KLHL14: variants seen among roughly 807,000 people sequenced by gnomAD.
KLHL14 encodes kelch-like protein 14.
A neutral mutation model predicts 64.3 loss-of-function variants in KLHL14; 22 were observed. The ratio of observed to expected loss-of-function variants is 0.34; its 90% CI spans 0.24 to 0.49. The LOEUF is 0.49. Among genes scored for constraint, KLHL14 ranks in the 20% least tolerant of loss-of-function variants. The probability of loss-of-function intolerance (pLI) is 0.99; values close to 1 mark genes in which losing one functional copy is unlikely to be tolerated. For missense variants in KLHL14, 661 were observed against 789.0 expected (o/e 0.84, Z 1.94); for synonymous variants, 322 against 333.4 (o/e 0.97, Z 0.37).
intron 5 of KLHL14, among the ~76,000 whole-genome samples, chr18:32,685,537 C>T (rs562578629): frequency 6.6e-6 from 1 of 152,214 alleles, no homozygotes; most frequent in Non-Finnish European, 1.5e-5. Context: ...ATAACAGCAA[C>T]CAGGAAGTAA....
chr18:32,742,105 G>T (rs2050202361), intron 2 of KLHL14, 56 bp from the exon 3 acceptor site: 16 of 1,549,420 alleles, frequency 1.0e-5, no homozygotes, highest in Non-Finnish European at 1.3e-5. Context: ...AGTCTTTTTA[G>T]TGGCAACGAA....
intron 4 of KLHL14, among the ~76,000 whole-genome samples, chr18:32,691,937 G>A (rs943917588): frequency 6.6e-6 from 1 of 152,152 alleles, no homozygotes; most frequent in Non-Finnish European, 1.5e-5. Context: ...TCCAGCCAAT[G>A]GGTAGAGGAG....
chr18:32,697,714 T>A (rs574407777), intron 3 of KLHL14, among the ~76,000 whole-genome samples: 1 of 152,276 alleles, frequency 6.6e-6, no homozygotes, highest in South Asian at 2.1e-4. Flanking sequence ...AAATAATACA[T>A]GATTTATTTT....
At chr18:32,718,941 C>A (rs1446653066) in intron 3 of KLHL14, among the ~76,000 whole-genome samples, 2 of 152,042 alleles carry the variant, frequency 1.3e-5, no homozygotes, top group African/African-American at 4.8e-5. Context: ...TTGATGGGAA[C>A]ATGAACTTTC....
intron 3 of KLHL14, among the ~76,000 whole-genome samples, chr18:32,723,646 T>C (rs1233387112): frequency 6.6e-6 from 1 of 152,128 alleles, no homozygotes; most frequent in Non-Finnish European, 1.5e-5. Flanking sequence ...GTGAGGTCAA[T>C]AGCATTACTA....
rs925335454 is a variant in KLHL14, at chr18:32,748,964, T to C, written c.948-6915A>G. ...ACCATCATCAACAACTTCATAGTTA[T>C]TGACATCATCATTATCCTCATCCTC... On this transcript the variant is annotated intron_variant, in intron 2 of 8. Transcript: ENST00000359358. 7.9e-5 allele frequency among the ~76,000 whole-genome samples: 12 copies of C among 152,364 alleles called. No homozygotes were observed. In the East Asian group the frequency reaches 2.1e-3, roughly 27 times the overall value.
At chr18:32,684,226 A>G (rs534047519) in intron 5 of KLHL14, among the ~76,000 whole-genome samples, 11 of 152,230 alleles carry the variant, frequency 7.2e-5, no homozygotes, top group Non-Finnish European at 1.3e-4. Context: ...ATTTAAATTT[A>G]TATTTTCATC....
At chr18:32,712,445 A>G (rs1468837468) in intron 3 of KLHL14, among the ~76,000 whole-genome samples, 3 of 152,180 alleles carry the variant, frequency 2.0e-5, no homozygotes, top group African/African-American at 7.2e-5. Flanking sequence ...TGGACCTTCC[A>G]TGCTCATTTC....
chr18:32,743,760 G>A (rs1206190718), intron 2 of KLHL14: 1 of 152,100 alleles, frequency 6.6e-6, no homozygotes, highest in Admixed American at 6.5e-5. Context: ...TTTGCAAGAG[G>A]GGTTAAGAAA....
chr18:32,698,992 A>T (rs1299290292), intron 3 of KLHL14, among the ~76,000 whole-genome samples: 1 of 152,204 alleles, frequency 6.6e-6, no homozygotes, highest in East Asian at 1.9e-4. Flanking sequence ...ATGACTAATC[A>T]TCACACAGGA....
At chr18:32,677,760 A>G (rs898668951) in intron 7 of KLHL14, among the ~76,000 whole-genome samples, 1 of 152,110 alleles carries the variant, frequency 6.6e-6, no homozygotes, top group Non-Finnish European at 1.5e-5. Flanking sequence ...CCCTGTCCTC[A>G]CTTTCATTTT....
At chr18:32,684,569 C>T (rs111756453) in intron 5 of KLHL14, among the ~76,000 whole-genome samples, 5 of 152,088 alleles carry the variant, frequency 3.3e-5, no homozygotes, top group African/African-American at 1.2e-4. Flanking sequence ...GCAAGTATAG[C>T]TCTGTAAGGG....
intron 3 of KLHL14, among the ~76,000 whole-genome samples, chr18:32,696,656 C>T (rs1334067263): frequency 6.6e-6 from 1 of 152,152 alleles, no homozygotes; most frequent in Non-Finnish European, 1.5e-5. Flanking sequence ...GAGTCAGGGC[C>T]AACTCTTACT....
intron 8 of KLHL14, among the ~76,000 whole-genome samples, chr18:32,675,264 A>G (rs2049806069): frequency 6.6e-6 from 1 of 152,290 alleles, no homozygotes; most frequent in East Asian, 1.9e-4. Flanking sequence ...TTGGGAGGCT[A>G]GGACAGGAGG....
chr18:32,708,035 G>C (rs1196023855), intron 3 of KLHL14, among the ~76,000 whole-genome samples: 2 of 152,116 alleles, frequency 1.3e-5, no homozygotes, highest in East Asian at 3.8e-4. Context: ...TACAGGGAGA[G>C]ATAAATTATC....
In KLHL14 at chr18:32,684,041, T is replaced by C. The variant is rs951311068; in HGVS notation, c.1238+3114A>G. ...CAAACTGCTTTTTCTTTTTCTATTT[T>C]TTTAGATTAGCTAGGGAGTAAGATC... On this transcript the variant is annotated intron_variant, in intron 5 of 8. Transcript: ENST00000359358. Among the ~76,000 whole-genome samples, 3 of 152,348 alleles carry C rather than the reference T, an allele frequency of 2.0e-5. No homozygotes were observed. The South Asian group carries it at 6.2e-4, about 32-fold the overall frequency.
chr18:32,686,172 C>G (rs574783500), intron 5 of KLHL14, among the ~76,000 whole-genome samples: 1 of 141,286 alleles, frequency 7.1e-6, no homozygotes, highest in Non-Finnish European at 1.5e-5. Flanking sequence ...CCACTGTGCC[C>G]GGCTATTTTT....
intron 3 of KLHL14, among the ~76,000 whole-genome samples, chr18:32,708,038 A>C (rs1205735045): frequency 6.6e-6 from 1 of 152,186 alleles, no homozygotes; most frequent in South Asian, 2.1e-4. Flanking sequence ...AGGGAGAGAT[A>C]AATTATCCAA....
At chr18:32,771,081 C>A in intron 1 of KLHL14, 2 of 244,722 alleles carry the variant, frequency 8.2e-6, no homozygotes, top group Non-Finnish European at 8.7e-6. Flanking sequence ...CCTGAAAGCT[C>A]AGAGGCGACC....
Sources: gnomAD v4.1 joint callset for allele counts (sites outside exome capture counted in the v4.1 genomes callset) on GRCh38, gnomAD v4.1.1 for gene constraint, MANE v1.5 for transcripts, NCBI Gene and HGNC (gene_info 2026-07-23, HGNC 2026-07-21) for gene names.